MAP3K20: variants seen among roughly 807,000 people sequenced by gnomAD.
MAP3K20 encodes the protein mitogen-activated protein kinase kinase kinase 20, also known as HCCS-4.
A neutral mutation model predicts 85.7 loss-of-function variants in MAP3K20; 40 were observed. The observed-to-expected ratio is 0.47, with a 90% CI of 0.36 to 0.61. The LOEUF (loss-of-function observed/expected upper bound fraction) is 0.61, where lower values mean the gene tolerates loss of function less well. MAP3K20 is among the 20% of genes least tolerant of loss of function. The pLI, the probability that MAP3K20 is intolerant of heterozygous loss-of-function variation, is 0.00. For synonymous variants in MAP3K20, 325 were observed against 327.7 expected (o/e 0.99, Z 0.09); for missense variants, 817 against 961.7 (o/e 0.85, Z 1.99).
chr2:173,217,930 T>C (rs1684125317), intron 11 of MAP3K20, among the ~76,000 whole-genome samples: 1 of 152,230 alleles, frequency 6.6e-6, no homozygotes, highest in African/African-American at 2.4e-5. Flanking sequence ...CATGCTGATA[T>C]ATTATTCAAG....
intron 11 of MAP3K20, chr2:173,221,082 T>C: frequency 7.4e-7 from 1 of 1,348,022 alleles, no homozygotes; most frequent in Non-Finnish European, 9.8e-7. Context: ...TTTTGTGGTA[T>C]CTATTTTCCT....
At chr2:173,254,003 T>G (rs1196532645) in intron 16 of MAP3K20, among the ~76,000 whole-genome samples, 3 of 149,380 alleles carry the variant, frequency 2.0e-5, no homozygotes, top group African/African-American at 7.4e-5. Context: ...CCCTGGAAAT[T>G]GATGCTGCAG....
At chr2:173,265,178 C>G (rs1215679605) in intron 19 of MAP3K20, among the ~76,000 whole-genome samples, 2 of 152,204 alleles carry the variant, frequency 1.3e-5, no homozygotes, top group Non-Finnish European at 1.5e-5. Context: ...CATGTGCATG[C>G]TCTGATACTC....
At chr2:173,150,591 A>C (rs1326788928) in intron 2 of MAP3K20, among the ~76,000 whole-genome samples, 1 of 152,092 alleles carries the variant, frequency 6.6e-6, no homozygotes, top group African/African-American at 2.4e-5. Context: ...CTTTGAGACA[A>C]AGTCTTGTCC....
intron 4 of MAP3K20, among the ~76,000 whole-genome samples, chr2:173,186,759 A>C (rs1690496790): frequency 6.6e-6 from 1 of 152,088 alleles, no homozygotes; most frequent in Non-Finnish European, 1.5e-5. Context: ...TTTTTATTCT[A>C]AAGGGGTAGA....
At chr2:173,142,200 G>C (rs773017597) in intron 2 of MAP3K20, among the ~76,000 whole-genome samples, 1 of 152,202 alleles carries the variant, frequency 6.6e-6, no homozygotes. Context: ...ATGGCTGGGC[G>C]TAGTGGCTCA....
intron 2 of MAP3K20, among the ~76,000 whole-genome samples, chr2:173,151,071 A>C (rs1689293753): frequency 6.6e-6 from 1 of 152,202 alleles, no homozygotes; most frequent in Non-Finnish European, 1.5e-5. Flanking sequence ...ATTTAGCTCC[A>C]GGGTTTTCAG....
At chr2:173,093,559 T>C (rs1175468769) in intron 2 of MAP3K20, among the ~76,000 whole-genome samples, 1 of 152,208 alleles carries the variant, frequency 6.6e-6, no homozygotes. Flanking sequence ...GGTATACTAC[T>C]ACTTTATTTA....
chr2:173,203,532 A>G (rs1683563853), intron 8 of MAP3K20, among the ~76,000 whole-genome samples: 1 of 152,076 alleles, frequency 6.6e-6, no homozygotes, highest in African/African-American at 2.4e-5. Context: ...TTCTGTTTAG[A>G]TATTTTATGT....
At chr2:173,101,089 T>C (rs889799027) in intron 2 of MAP3K20, among the ~76,000 whole-genome samples, 2 of 152,012 alleles carry the variant, frequency 1.3e-5, no homozygotes, top group African/African-American at 4.8e-5. Flanking sequence ...AGGAGAGAGG[T>C]CACTGAGGAA....
chr2:173,104,887 A>T (rs1687740654), intron 2 of MAP3K20, among the ~76,000 whole-genome samples: 1 of 152,108 alleles, frequency 6.6e-6, no homozygotes, highest in African/African-American at 2.4e-5. Flanking sequence ...ATGGGGGATA[A>T]AACATTCCAG....
At position 173,232,320 on chromosome 2, in the gene MAP3K20, G is replaced by A. The variant is rs141093419; in HGVS notation, c.1064G>A (p.Gly355Asp). ...TCTGCTTTCTAATCACTTCCTTCAG[G>A]TGACTCTTCAGCAGAGATGAGTGTA... ...YCWVQQLVRK[G>D]DSSAEMSVYA... Residue 355 changes from glycine to aspartate, a missense_variant and splice_region_variant, in exon 14 of 20, where the codon GGT becomes GAT. Gly to Asp is a moderately conservative substitution (Grantham distance 94). This residue lies in a region of MAP3K20 where 158 missense variants were observed against 162.0 expected (regional missense o/e 0.98). Coordinates refer to ENST00000375213, the MANE Select transcript of MAP3K20 (RefSeq NM_016653.3). 1.4e-5 allele frequency: 23 copies of A among 1,614,156 alleles called. No homozygotes were observed. In the Middle Eastern group the frequency reaches 4.9e-4, roughly 35 times the overall value.
At chr2:173,123,359 G>C (rs184961152) in intron 2 of MAP3K20, among the ~76,000 whole-genome samples, 9 of 152,248 alleles carry the variant, frequency 5.9e-5, no homozygotes, top group African/African-American at 2.2e-4. Flanking sequence ...CCAGGGTTCT[G>C]CCACTATATA....
chr2:173,110,380 A>G (rs1409744391), intron 2 of MAP3K20, among the ~76,000 whole-genome samples: 1 of 146,280 alleles, frequency 6.8e-6, no homozygotes, highest in Non-Finnish European at 1.5e-5. Flanking sequence ...TAGCTTCCTG[A>G]GTAGCTGGGA....
Position 173,182,482 on chromosome 2 carries a change from A to T in MAP3K20, c.248-372A>T, listed in dbSNP as rs539646381. ...CAACAATTGATTTGTTTACACTGTC[A>T]TTAAGCTGTCTGATTTATGCATTTA... On this transcript the variant is annotated intron_variant, in intron 3 of 19. Transcript: ENST00000375213. Among the ~76,000 whole-genome samples, 5 of 152,340 alleles carry T rather than the reference A, an allele frequency of 3.3e-5. No homozygotes were observed. The East Asian group carries it at 9.6e-4, about 29-fold the overall frequency.
In MAP3K20 at chr2:173,263,768, C is replaced by G. The variant is rs1482932354; in HGVS notation, c.1575C>G (p.Ser525Arg). Reference protein sequence around the residue: ...TYESDVRTPKSTKHVHSIQWS... With the variant: ...TYESDVRTPKRTKHVHSIQWS... ...AGAGTGATGTTAGAACTCCAAAAAG[C>G]ACTAAACATGTCCATTCGATTCAGT... Residue 525 changes from serine to arginine, a missense_variant, in exon 19 of 20, where the codon AGC becomes AGG. Ser to Arg is a moderately radical substitution (Grantham distance 110, BLOSUM62 -1). Coordinates refer to ENST00000375213, the MANE Select transcript of MAP3K20 (RefSeq NM_016653.3). The G allele has an allele frequency of 6.2e-7, 1 of 1,609,020 alleles. No individual in the cohort carries two copies. Among genetic ancestry groups the G allele is most frequent in the Non-Finnish European group, 8.5e-7 (1 of 1,178,724 alleles).
At chr2:173,255,760 A>C (rs1446520705) in intron 16 of MAP3K20, among the ~76,000 whole-genome samples, 2 of 152,196 alleles carry the variant, frequency 1.3e-5, no homozygotes, top group Non-Finnish European at 2.9e-5. Context: ...CTTTTGACTA[A>C]CTTAATTCCC....
chr2:173,266,726 C>CT lies in MAP3K20; in HGVS notation c.2379_2380insT (p.His794SerfsTer11). ...CCAATAAAGAGAGAGCCAGAGGGGA[C>CT]CACCGTGGATGGAGAAACTTTTGAT... On this transcript the variant is annotated frameshift_variant, in exon 20 of 20. Coordinates refer to ENST00000375213, the MANE Select transcript of MAP3K20 (RefSeq NM_016653.3). LOFTEE classifies it high-confidence loss of function. 6.5e-7 allele frequency: 1 copy of CT among 1,549,652 alleles called. No individual in the cohort carries two copies. Among genetic ancestry groups the CT allele is most frequent in the Non-Finnish European group, 8.7e-7 (1 of 1,148,146 alleles).
chr2:173,147,353 T>C (rs1689164869), intron 2 of MAP3K20, among the ~76,000 whole-genome samples: 1 of 152,246 alleles, frequency 6.6e-6, no homozygotes, highest in South Asian at 2.1e-4. Flanking sequence ...ATTCATTTTT[T>C]GTCTGTTTTG....
Sources: gnomAD v4.1 joint callset for allele counts (sites outside exome capture counted in the v4.1 genomes callset) on GRCh38, gnomAD v4.1.1 for gene constraint, gnomAD v4.1.1 regional missense constraint, MANE v1.5 for transcripts, NCBI Gene and HGNC (gene_info 2026-07-23, HGNC 2026-07-21) for gene names.